The following KRT71 variants were observed in gnomAD, a reference collection of about 807,000 sequenced individuals.
KRT71 encodes keratin, type II cytoskeletal 71.
KRT71 carries 42 observed loss-of-function variants against 46.2 expected under a neutral mutation model. That is an observed-to-expected ratio of 0.91 (90% CI 0.71 to 1.18). The LOEUF (loss-of-function observed/expected upper bound fraction) is 1.18. Among genes scored for constraint, KRT71 ranks in the 50% most tolerant of loss-of-function variants. KRT71 has a pLI of 0.00. For synonymous variants in KRT71, 292 were observed against 277.8 expected (o/e 1.05, Z -0.51); for missense variants, 708 against 677.9 (o/e 1.04, Z -0.49).
Position 52,544,415 on chromosome 12 carries a change from A to G in KRT71, c.*117T>C. On this transcript the variant is annotated 3_prime_UTR_variant, in exon 9 of 9. Transcript: ENST00000267119. ...GAAGTGGGTGGCCAAGGCCAGTGCC[A>G]GGTGTATGGGAGCAGGACCAGCAGG... is the stretch of plus-strand genomic sequence containing the variant. 1 of 959,270 alleles carries G rather than the reference A, an allele frequency of 1.0e-6. No individual in the cohort carries two copies. The highest frequency in any genetic ancestry group is 1.7e-6 in the Non-Finnish European group (1 of 603,244). 59.4% of individuals were successfully genotyped at this position (959,270 alleles called of 1,614,324 possible).
rs759493089 is a variant in KRT71, at chr12:52,553,071, G to C, written c.7C>G (p.Arg3Gly). The C allele has an allele frequency of 6.4e-7, 1 of 1,573,786 alleles. No individual in the cohort carries two copies. The highest frequency in any genetic ancestry group is 8.6e-7 in the Non-Finnish European group (1 of 1,159,024). The change falls in exon 1 of 9, where the codon CGC becomes GGC. Residue 3 changes from arginine to glycine, a missense_variant. Physicochemically the swap from Arg to Gly is moderately radical, Grantham distance 125. Transcript: ENST00000267119. ...GCTCCCGACTTGCAGGTGAATTGGC[G>C]GCTCATGTTGCTGGTGGAGACAAAG... MS[R>G]QFTCKSGAAA...
chr12:52,549,960 G>T (rs1015955428), intron 2 of KRT71, 69 bp downstream of exon 2: 10 of 1,574,918 alleles, frequency 6.3e-6, no homozygotes, highest in Admixed American at 5.0e-5. Flanking sequence ...TTAAGCTGGG[G>T]TGACTGCCAG....
chr12:52,553,138 T>C lies in KRT71; in HGVS notation c.-61A>G, dbSNP rs1939206770. 6.6e-7 allele frequency: 1 copy of C among 1,515,052 alleles called. No individual in the cohort carries two copies. The highest frequency in any genetic ancestry group is 1.3e-5 in the South Asian group (1 of 76,212). The allele number at this position is 1,515,052 out of a possible 1,614,324, so 93.9% of individuals were successfully genotyped here. On this transcript the variant is annotated 5_prime_UTR_variant, in exon 1 of 9. Transcript: ENST00000267119. The stretch of plus-strand genomic sequence containing the variant: ...AGGAAGGCAAAATCCCAAAAGGTTC[T>C]GCTGGTTGTAGTGAGGACTGGCAGG...
intron 4 of KRT71, 32 bp from the exon 5 acceptor site, chr12:52,548,348 C>A: frequency 6.3e-7 from 1 of 1,579,240 alleles, no homozygotes; most frequent in East Asian, 2.2e-5. Flanking sequence ...TCTCTCGGCT[C>A]AACTGCTGTC....
At chr12:52,546,745 C>T (rs1296920212) in intron 6 of KRT71, among the ~76,000 whole-genome samples, 2 of 152,250 alleles carry the variant, frequency 1.3e-5, no homozygotes, top group Non-Finnish European at 2.9e-5. Context: ...TCCTGAGCGC[C>T]ACTTTAGTTC....
At chr12:52,548,040 A>T (rs1385325488) in intron 5 of KRT71, 58 bp from the exon 6 acceptor site, 1 of 1,607,574 alleles carries the variant, frequency 6.2e-7, no homozygotes, top group African/African-American at 1.3e-5. Flanking sequence ...GTATCTTGGG[A>T]TCAGAACACA....
chr12:52,550,276 T>C lies in KRT71; in HGVS notation c.442-33A>G, dbSNP rs10747643. ...CCAGATCCCAGAAACTGCTGAACCC[T>C]TGCAGTAATAGTCACACGTGTCTCT... is the stretch of plus-strand genomic sequence containing the variant. On this transcript the variant is annotated intron_variant, in intron 1 of 8. Coordinates refer to ENST00000267119, the MANE Select transcript of KRT71 (RefSeq NM_033448.3). 963,949 of 1,611,350 alleles carry C rather than the reference T, an allele frequency of 0.6. 293,367 individuals are homozygous for C. The highest frequency in any genetic ancestry group is 0.82 in the East Asian group (36,591 of 44,858).
rs1939201175 is a variant in KRT71, at chr12:52,552,985, G to T, written c.93C>A (p.Ser31=). 4 of 1,614,196 alleles carry T rather than the reference G, an allele frequency of 2.5e-6. No homozygotes were observed. Among genetic ancestry groups the T allele is most frequent in the Non-Finnish European group, 3.4e-6 (4 of 1,180,044 alleles). ...SAVLSGGSSS[S]FRAGSKGLSG... The stretch of plus-strand genomic sequence containing the variant: ...TGAGCCCTTTGCTCCCTGCCCGGAA[G>T]GAGGATGAGCTGCCCCCTGAGAGCA... Residue 31 remains serine, a synonymous_variant, in exon 1 of 9, where the codon TCC becomes TCA. Coordinates refer to ENST00000267119, the MANE Select transcript of KRT71 (RefSeq NM_033448.3).
intron 8 of KRT71, among the ~76,000 whole-genome samples, chr12:52,545,310 T>C (rs940692870): frequency 6.6e-5 from 10 of 152,226 alleles, no homozygotes; most frequent in Admixed American, 1.3e-4. Flanking sequence ...TAACCCTTGC[T>C]TTCCCATGAC....
chr12:52,543,980 T>C lies in KRT71; in HGVS notation c.*552A>G, dbSNP rs1939010146. ...GAATAAAGGAAAAGTGAACAGTGCC[T>C]GCTTTTCTCTGCTTCTGGGTGCAGG... On this transcript the variant is annotated 3_prime_UTR_variant, in exon 9 of 9. Coordinates refer to ENST00000267119, the MANE Select transcript of KRT71 (RefSeq NM_033448.3). The C allele has an allele frequency of 6.3e-6, 1 of 158,760 alleles. No homozygotes were observed. Among genetic ancestry groups the C allele is most frequent in the Admixed American group, 5.9e-5 (1 of 16,954 alleles). 9.8% of individuals were successfully genotyped at this position (158,760 alleles called of 1,614,324 possible).
In KRT71 at chr12:52,548,757, C is replaced by T. The variant is rs550265027; in HGVS notation, c.757G>A (p.Ala253Thr). 1 of 1,614,218 alleles carries T rather than the reference C, an allele frequency of 6.2e-7. No individual in the cohort carries two copies. Among genetic ancestry groups the T allele is most frequent in the Non-Finnish European group, 8.5e-7 (1 of 1,180,040 alleles). ...AAYANKVELQ[A>T]KVESMDQEIK... ...TCCTGGTCCATGGATTCCACCTTGG[C>T]CTGCAGTTCCACCTTATTGGCGTAA... The change falls in exon 4 of 9, where the codon GCC becomes ACC. Residue 253 changes from alanine to threonine, a missense_variant. Ala to Thr is a moderately conservative substitution (Grantham distance 58). Coordinates refer to ENST00000267119, the MANE Select transcript of KRT71 (RefSeq NM_033448.3).
chr12:52,548,840 A>G (rs771125449), intron 3 of KRT71, 44 bp from the exon 4 acceptor site: 2 of 1,555,052 alleles, frequency 1.3e-6, no homozygotes, highest in East Asian at 4.5e-5. Context: ...TGGTACAGCC[A>G]AAAAGGCAGC....
chr12:52,549,236 T>G, intron 3 of KRT71, 57 bp downstream of exon 3: 1 of 1,347,142 alleles, frequency 7.4e-7, no homozygotes, highest in South Asian at 1.2e-5. Flanking sequence ...CTTGGCAGGC[T>G]CTGTTCCTCC....
In KRT71 at chr12:52,548,398, T is replaced by C. The variant is rs1592204925; in HGVS notation, c.814-82A>G. On this transcript the variant is annotated intron_variant, in intron 4 of 8. Transcript: ENST00000267119. ...ACCCCCAAACAAGATGAGCAAATTC[T>C]GGTGATGCCATCTTGGAGGCTGGAA... 4 of 1,470,932 alleles carry C rather than the reference T, an allele frequency of 2.7e-6. No individual in the cohort carries two copies. In the South Asian group the frequency reaches 5.1e-5, roughly 19 times the overall value. The allele number at this position is 1,470,932 out of a possible 1,614,324, so 91.1% of individuals were successfully genotyped here. A position where few individuals can be genotyped will look rare whatever the true frequency, so the allele number is the denominator to read the frequency against.
Position 52,548,122 on chromosome 12 carries a change from C to A in KRT71, c.978+30G>T, listed in dbSNP as rs757732930. 3 of 1,608,484 alleles carry A rather than the reference C, an allele frequency of 1.9e-6. No individual in the cohort carries two copies. The East Asian group carries it at 6.7e-5, about 36-fold the overall frequency. On this transcript the variant is annotated intron_variant, in intron 5 of 8. Coordinates refer to ENST00000267119, the MANE Select transcript of KRT71 (RefSeq NM_033448.3). ...TCCATCTGCTGCCCGCTGGCATCAC[C>A]CTCCCTGGCCCCACCTCAGCCCAGC...
At chr12:52,548,408 A>C (rs1051035047) in intron 4 of KRT71, 92 bp from the exon 5 acceptor site, 1 of 1,429,254 alleles carries the variant, frequency 7.0e-7, no homozygotes, top group South Asian at 1.3e-5. Flanking sequence ...TGGTGATGCC[A>C]TCTTGGAGGC....
chr12:52,548,676 G>A (rs764727026), intron 4 of KRT71, 25 bp downstream of exon 4: 1 of 1,603,672 alleles, frequency 6.2e-7, no homozygotes, highest in Non-Finnish European at 8.5e-7. Flanking sequence ...TCCCCTAGAT[G>A]AACCAAGTGG....
intron 7 of KRT71, 69 bp from the exon 8 acceptor site, chr12:52,545,668 C>A: frequency 1.0e-6 from 1 of 966,968 alleles, no homozygotes; most frequent in Non-Finnish European, 1.6e-6. Context: ...AAAGCTACTG[C>A]CACCATCAGC....
chr12:52,548,302 G>T lies in KRT71; in HGVS notation c.828C>A (p.Ile276=), dbSNP rs757890370. The T allele has an allele frequency of 1.2e-6, 2 of 1,611,568 alleles. No individual in the cohort carries two copies. The highest frequency in any genetic ancestry group is 4.5e-5 in the East Asian group (2 of 44,872). ...CAGACATGTCACTGATGTGGGACTG[G>T]ATCTGAGTGATCTCCTGCAGGGGAC... is the stretch of plus-strand genomic sequence containing the variant. ...RCLFEAEITQ[I]QSHISDMSVI... Residue 276 remains isoleucine, a synonymous_variant, in exon 5 of 9, where the codon ATC becomes ATA. Coordinates refer to ENST00000267119, the MANE Select transcript of KRT71 (RefSeq NM_033448.3).
Sources: gnomAD v4.1 joint callset for allele counts (sites outside exome capture counted in the v4.1 genomes callset) on GRCh38, gnomAD v4.1.1 for gene constraint, MANE v1.5 for transcripts, NCBI Gene and HGNC (gene_info 2026-07-23, HGNC 2026-07-21) for gene names.